AGBL1: variants seen among roughly 807,000 people sequenced by gnomAD.
The protein encoded by AGBL1 is cytosolic carboxypeptidase 4.
Under a neutral mutation model 118.9 loss-of-function variants are expected in AGBL1, and 130 were observed. That is an observed-to-expected ratio of 1.09 (90% CI 0.95 to 1.26). The LOEUF (loss-of-function observed/expected upper bound fraction) is 1.26, where lower values mean the gene tolerates loss of function less well. AGBL1 is among the 50% of genes most tolerant of loss of function. The pLI, the probability that AGBL1 is intolerant of heterozygous loss-of-function variation, is 0.00. For synonymous variants in AGBL1, 555 were observed against 478.9 expected (o/e 1.16, Z -2.08); for missense variants, 1,584 against 1,298.1 (o/e 1.22, Z -3.38).
At chr15:86,616,952 G>C (rs987969432) in intron 21 of AGBL1, among the ~76,000 whole-genome samples, 1 of 152,180 alleles carries the variant, frequency 6.6e-6, no homozygotes, top group African/African-American at 2.4e-5. Context: ...CACCAGGAGC[G>C]ATTGCTTGCT....
At chr15:86,244,419 T>G (rs989641628) in intron 6 of AGBL1, among the ~76,000 whole-genome samples, 6 of 152,206 alleles carry the variant, frequency 3.9e-5, no homozygotes, top group Non-Finnish European at 8.8e-5. Context: ...CCACATTTGC[T>G]CTTTCTCAGT....
chr15:86,279,973 C>G (rs902132887), intron 16 of AGBL1, among the ~76,000 whole-genome samples, 190 bp downstream of exon 16: 4 of 152,188 alleles, frequency 2.6e-5, no homozygotes, highest in East Asian at 1.9e-4. Flanking sequence ...ATCTCCTTCC[C>G]TGGACAGAGC....
At chr15:86,624,536 T>G (rs1317711166) in intron 21 of AGBL1, among the ~76,000 whole-genome samples, 1 of 152,238 alleles carries the variant, frequency 6.6e-6, no homozygotes, top group Non-Finnish European at 1.5e-5. Flanking sequence ...CATATCTACT[T>G]TCTTGGAAGG....
At chr15:86,597,159 C>G (rs1235918857) in intron 21 of AGBL1, among the ~76,000 whole-genome samples, 2 of 151,944 alleles carry the variant, frequency 1.3e-5, no homozygotes, top group Non-Finnish European at 2.9e-5. Context: ...ATCCATCCAT[C>G]CATCCATCCA....
chr15:86,771,663 G>A (rs183173325), intron 22 of AGBL1, among the ~76,000 whole-genome samples: 5 of 152,054 alleles, frequency 3.3e-5, no homozygotes, highest in Admixed American at 6.6e-5. Context: ...CTGCACTTGC[G>A]TAAGTGGTAC....
At chr15:86,946,134 C>A (rs910547762) in intron 23 of AGBL1, 2 of 152,164 alleles carry the variant, frequency 1.3e-5, no homozygotes, top group African/African-American at 4.8e-5. Context: ...AAGACAGCAA[C>A]CTAGGTTCAT....
chr15:86,770,378 G>C (rs2078159941), intron 22 of AGBL1, among the ~76,000 whole-genome samples: 1 of 151,818 alleles, frequency 6.6e-6, no homozygotes, highest in Non-Finnish European at 1.5e-5. Context: ...TTCATGACTG[G>C]GAAGGTAGGG....
intron 21 of AGBL1, among the ~76,000 whole-genome samples, chr15:86,574,105 A>G (rs998000497): frequency 2.0e-5 from 3 of 152,356 alleles, no homozygotes; most frequent in Non-Finnish European, 4.4e-5. Flanking sequence ...AGAGTGTTGC[A>G]TTGCTGCAAT....
chr15:86,318,617 G>A (rs990054327), intron 17 of AGBL1, among the ~76,000 whole-genome samples: 3 of 150,248 alleles, frequency 2.0e-5, no homozygotes, highest in East Asian at 3.9e-4. Context: ...CAGCAATAGA[G>A]AATAGAGAAT....
chr15:86,632,478 T>A (rs991009030), intron 21 of AGBL1, among the ~76,000 whole-genome samples: 2 of 151,974 alleles, frequency 1.3e-5, no homozygotes, highest in African/African-American at 4.8e-5. Flanking sequence ...TCCATTTGAA[T>A]TACGTAGTTG....
intron 19 of AGBL1, among the ~76,000 whole-genome samples, chr15:86,534,937 A>G (rs2083403891): frequency 6.6e-6 from 1 of 152,206 alleles, no homozygotes; most frequent in South Asian, 2.1e-4. Context: ...GTTAGCAGAG[A>G]TGTTCAATAT....
At chr15:86,839,852 TCTA>T (rs914825960) in intron 22 of AGBL1, among the ~76,000 whole-genome samples, 3 of 152,218 alleles carry the variant, frequency 2.0e-5, no homozygotes, top group African/African-American at 7.2e-5. Flanking sequence ...ATTTAACTCC[TCTA>T]CTTTTATTCC....
chr15:86,232,017 C>T (rs891049901), intron 6 of AGBL1, among the ~76,000 whole-genome samples: 16 of 152,206 alleles, frequency 1.1e-4, no homozygotes, highest in Non-Finnish European at 1.6e-4. Flanking sequence ...TCTCTGCTGC[C>T]CTGAGGCCGA....
At chr15:86,106,101 T>C (rs1897035918) in intron 1 of AGBL1, among the ~76,000 whole-genome samples, 1 of 152,258 alleles carries the variant, frequency 6.6e-6, no homozygotes, top group Non-Finnish European at 1.5e-5. Context: ...AAATGTGTGT[T>C]CCATCTGATG....
At chr15:86,749,719 A>C (rs2077817057) in intron 22 of AGBL1, among the ~76,000 whole-genome samples, 2 of 152,188 alleles carry the variant, frequency 1.3e-5, no homozygotes, top group African/African-American at 4.8e-5. Flanking sequence ...TTTAGCATGA[A>C]GTGCTGTTGA....
chr15:86,319,654 T>A (rs2080072271), intron 17 of AGBL1, among the ~76,000 whole-genome samples: 1 of 151,906 alleles, frequency 6.6e-6, no homozygotes, highest in Non-Finnish European at 1.5e-5. Flanking sequence ...TCTGCACTCA[T>A]ATGTTACTAG....
chr15:86,773,103 TC>T (rs1484800063), intron 22 of AGBL1, among the ~76,000 whole-genome samples: 1 of 152,054 alleles, frequency 6.6e-6, no homozygotes. Flanking sequence ...TGGCTTTTTG[TC>T]CATGGTTCAG....
intron 22 of AGBL1, among the ~76,000 whole-genome samples, chr15:86,827,350 T>TACAC (rs1567194463): frequency 5.1e-4 from 4 of 7,840 alleles, no homozygotes; most frequent in Non-Finnish European, 5.5e-4. Flanking sequence ...TGTATATATA[T>TACAC]ATATATATAT....
At chr15:86,259,062 T>A (rs984097976) in intron 9 of AGBL1, among the ~76,000 whole-genome samples, 14 of 152,246 alleles carry the variant, frequency 9.2e-5, no homozygotes, top group African/African-American at 3.4e-4. Context: ...TGACTGTTTT[T>A]GTACAACAAG....
Sources: gnomAD v4.1 joint callset for allele counts (sites outside exome capture counted in the v4.1 genomes callset) on GRCh38, gnomAD v4.1.1 for gene constraint, MANE v1.5 for transcripts, NCBI Gene and HGNC (gene_info 2026-07-23, HGNC 2026-07-21) for gene names.